The following SCRG1 variants were observed in gnomAD, a reference collection of about 807,000 sequenced individuals.
The protein encoded by SCRG1 is scrapie-responsive protein 1.
Under a neutral mutation model 7.7 loss-of-function variants are expected in SCRG1, and 3 were observed. The ratio of observed to expected loss-of-function variants is 0.39; its 90% CI spans 0.18 to 1.01. The LOEUF is 1.01. SCRG1 is among the 50% of genes least tolerant of loss of function. SCRG1 has a pLI of 0.36. For missense variants in SCRG1, 110 were observed against 117.2 expected (o/e 0.94, Z 0.28); for synonymous variants, 46 against 41.2 (o/e 1.12, Z -0.44).
At chr4:173,417,290 T>C in the SCRG1 span, among the ~76,000 whole-genome samples, 1 of 152,180 alleles carries the variant, frequency 6.6e-6, no homozygotes, top group African/African-American at 2.4e-5. Flanking sequence ...TCTTTAGCAC[T>C]GGAAGGAACC....
chr4:173,481,513 G>C, the SCRG1 span, among the ~76,000 whole-genome samples: 1 of 152,068 alleles, frequency 6.6e-6, no homozygotes, highest in Non-Finnish European at 1.5e-5. Flanking sequence ...AACTGCGAGG[G>C]TCCGCTTATA....
At chr4:173,435,194 T>TA in the SCRG1 span, among the ~76,000 whole-genome samples, 5 of 151,988 alleles carry the variant, frequency 3.3e-5, no homozygotes, top group South Asian at 1.0e-3. Context: ...CACCACCACT[T>TA]AAAGTATGAG....
upstream of SCRG1, among the ~76,000 whole-genome samples, chr4:173,409,909 T>C (rs1740004771): frequency 6.6e-6 from 1 of 152,156 alleles, no homozygotes; most frequent in Non-Finnish European, 1.5e-5. Flanking sequence ...CTCTTAAGTA[T>C]GCCAATATTA....
chr4:173,477,065 G>T, the SCRG1 span, among the ~76,000 whole-genome samples: 2 of 152,160 alleles, frequency 1.3e-5, no homozygotes, highest in Admixed American at 6.5e-5. Flanking sequence ...TTTGTTGTTG[G>T]AAATGGCAGC....
upstream of SCRG1, among the ~76,000 whole-genome samples, chr4:173,409,007 A>G (rs945037472): frequency 2.6e-5 from 4 of 151,302 alleles, no homozygotes; most frequent in Admixed American, 6.6e-5. Context: ...AAAAAAAAAA[A>G]AAAAAAAGAA....
chr4:173,409,010 A>AAAAAG (rs1261210083), upstream of SCRG1, among the ~76,000 whole-genome samples: 355 of 146,238 alleles, frequency 2.4e-3, 4 homozygotes, highest in South Asian at 7.9e-3. Flanking sequence ...AAAAAAAAAA[A>AAAAAG]AAAAGAAAAG....
At chr4:173,408,159 A>C (rs954994748), upstream of SCRG1, among the ~76,000 whole-genome samples, 6 of 152,342 alleles carry the variant, frequency 3.9e-5, no homozygotes, top group East Asian at 1.2e-3. Context: ...TACATACAGT[A>C]TAATCCTGAT....
chr4:173,489,057 T>C, the SCRG1 span, among the ~76,000 whole-genome samples: 1 of 152,332 alleles, frequency 6.6e-6, no homozygotes, highest in Non-Finnish European at 1.5e-5. Context: ...CTCATTCATT[T>C]TACATGGAAG....
chr4:173,498,085 A>G, the SCRG1 span, among the ~76,000 whole-genome samples: 2 of 152,184 alleles, frequency 1.3e-5, no homozygotes, highest in African/African-American at 2.4e-5. Flanking sequence ...GTTGAATACT[A>G]TTCTGAACAT....
intron 1 of SCRG1, among the ~76,000 whole-genome samples, chr4:173,391,673 G>A (rs1251826017): frequency 6.6e-6 from 1 of 152,220 alleles, no homozygotes; most frequent in Non-Finnish European, 1.5e-5. Context: ...GCTCATGCCT[G>A]TAATCTCAGC....
chr4:173,514,953 C>T, the SCRG1 span, among the ~76,000 whole-genome samples: 1 of 152,242 alleles, frequency 6.6e-6, no homozygotes, highest in African/African-American at 2.4e-5. Context: ...AACAGACCCG[C>T]CCCAAAACAC....
the SCRG1 span, among the ~76,000 whole-genome samples, chr4:173,420,537 T>C: frequency 1.3e-5 from 2 of 152,186 alleles, no homozygotes; most frequent in Admixed American, 6.5e-5. Context: ...ACAACTATTG[T>C]GTCTGTTTAT....
chr4:173,428,444 T>A, the SCRG1 span, among the ~76,000 whole-genome samples: 3 of 152,188 alleles, frequency 2.0e-5, no homozygotes, highest in Non-Finnish European at 4.4e-5. Context: ...TCACTGTTAA[T>A]GTAACCAGAA....
chr4:173,498,789 CAGAT>C, the SCRG1 span, among the ~76,000 whole-genome samples: 1 of 152,068 alleles, frequency 6.6e-6, no homozygotes, highest in African/African-American at 2.4e-5. Flanking sequence ...CACGGAGAGA[CAGAT>C]AGAGACAGAA....
the SCRG1 span, among the ~76,000 whole-genome samples, chr4:173,454,154 T>G: frequency 1.3e-5 from 2 of 150,934 alleles, no homozygotes; most frequent in Non-Finnish European, 2.9e-5. Flanking sequence ...AGGGAGAAAC[T>G]GGGCCAGGGA....
the SCRG1 span, among the ~76,000 whole-genome samples, chr4:173,482,086 A>T: frequency 1.3e-5 from 2 of 152,168 alleles, no homozygotes; most frequent in Non-Finnish European, 2.9e-5. Flanking sequence ...TGGTTGAGTG[A>T]TCATTATAAA....
At chr4:173,466,271 TAATCATG>T in the SCRG1 span, among the ~76,000 whole-genome samples, 1 of 152,168 alleles carries the variant, frequency 6.6e-6, no homozygotes, top group Non-Finnish European at 1.5e-5. Context: ...TTTGTCAAAT[TAATCATG>T]ATATATTTTC....
the SCRG1 span, among the ~76,000 whole-genome samples, chr4:173,451,385 C>T: frequency 3.3e-5 from 5 of 151,858 alleles, no homozygotes; most frequent in African/African-American, 1.2e-4. Context: ...AGGTGAGCAG[C>T]TCCGCAAGTT....
At chr4:173,484,768 T>TATATTATATACATATAATACA in the SCRG1 span, among the ~76,000 whole-genome samples, 5 of 90,138 alleles carry the variant, frequency 5.5e-5, no homozygotes, top group African/African-American at 2.8e-4. Context: ...ATAATACATA[T>TATATTATATACATATAATACA]TATATATTAT....
Sources: allele counts gnomAD v4.1 joint callset (sites outside exome capture counted in the v4.1 genomes callset), GRCh38; gene constraint gnomAD v4.1.1; transcripts MANE v1.5; gene names NCBI Gene and HGNC (gene_info 2026-07-23, HGNC 2026-07-21).